GNAO1: variants seen among roughly 807,000 people sequenced by gnomAD.
The protein encoded by GNAO1 is G protein subunit alpha o1.
For missense variants in GNAO1, 166 were observed against 478.7 expected (o/e 0.35, Z 6.10); for synonymous variants, 164 against 180.7 (o/e 0.91, Z 0.74).
In GNAO1 at chr16:56,321,112, G is replaced by A. The variant is rs115347871; in HGVS notation, c.304-7519G>A. ...GGCTCAGAAGCCAGGAAAGCCAGTG[G>A]CGCTGCAGGAATGGGAGGGGGTCTT... On this transcript the variant is annotated intron_variant, in intron 3 of 8. Coordinates refer to ENST00000262493, the MANE Select transcript of GNAO1 (RefSeq NM_020988.3). Among the ~76,000 whole-genome samples the A allele has an allele frequency of 8.0e-3, 1,215 of 152,308 alleles. 19 individuals are homozygous for A. Among genetic ancestry groups the A allele is most frequent in the African/African-American group, 0.028 (1,182 of 41,570 alleles).
At chr16:56,218,690 A>G in intron 2 of GNAO1, among the ~76,000 whole-genome samples, 1 of 151,718 alleles carries the variant, frequency 6.6e-6, no homozygotes, top group South Asian at 2.1e-4. Context: ...CTGGAACCAC[A>G]CTGGTCTTCC....
intron 2 of GNAO1, among the ~76,000 whole-genome samples, chr16:56,227,792 GTAT>G (rs2036546277): frequency 6.6e-6 from 1 of 151,204 alleles, no homozygotes; most frequent in African/African-American, 2.4e-5. Context: ...ATTTTCCCTG[GTAT>G]TATTGTTGTT....
intron 2 of GNAO1, 80 bp downstream of exon 2, chr16:56,192,696 A>G: frequency 1.2e-6 from 1 of 841,682 alleles, no homozygotes; most frequent in South Asian, 1.4e-5. Flanking sequence ...CTTACTCCAC[A>G]TTGCTCTCCA....
chr16:56,331,418 C>T (rs1303414061), intron 4 of GNAO1, among the ~76,000 whole-genome samples: 1 of 152,188 alleles, frequency 6.6e-6, no homozygotes, highest in Non-Finnish European at 1.5e-5. Flanking sequence ...CCTCTCCTCA[C>T]CTTCTCTCTT....
At chr16:56,266,197 C>T (rs2036951805) in intron 2 of GNAO1, among the ~76,000 whole-genome samples, 1 of 152,206 alleles carries the variant, frequency 6.6e-6, no homozygotes, top group South Asian at 2.1e-4. Context: ...TCCTGTTCGC[C>T]AGTCTCCTGG....
intron 5 of GNAO1, 83 bp from the exon 6 acceptor site, chr16:56,336,648 C>A: frequency 7.7e-7 from 1 of 1,302,328 alleles, no homozygotes; most frequent in East Asian, 2.5e-5. Context: ...CCATCCTCTG[C>A]CTCTCAGCGT....
chr16:56,319,867 C>T (rs945331742), intron 3 of GNAO1, among the ~76,000 whole-genome samples: 1 of 152,114 alleles, frequency 6.6e-6, no homozygotes, highest in African/African-American at 2.4e-5. Context: ...TTGCCCACCC[C>T]TTTCTCCAGC....
At chr16:56,315,491 T>C (rs539529818) in intron 3 of GNAO1, among the ~76,000 whole-genome samples, 1 of 152,254 alleles carries the variant, frequency 6.6e-6, no homozygotes, top group Admixed American at 6.5e-5. Flanking sequence ...TGGGACAGGA[T>C]AGTGCCTGCT....
intron 2 of GNAO1, among the ~76,000 whole-genome samples, chr16:56,274,975 C>T (rs2037049304): frequency 6.6e-6 from 1 of 152,162 alleles, no homozygotes; most frequent in African/African-American, 2.4e-5. Context: ...GCCATTTTCT[C>T]CTGCATGAAA....
chr16:56,273,645 G>A (rs958811570), intron 2 of GNAO1, among the ~76,000 whole-genome samples: 25 of 152,234 alleles, frequency 1.6e-4, no homozygotes, highest in African/African-American at 5.8e-4. Context: ...AAGACTGTTG[G>A]ACTTTATTCT....
chr16:56,261,697 A>G (rs1304287721), intron 2 of GNAO1, among the ~76,000 whole-genome samples: 6 of 152,140 alleles, frequency 3.9e-5, no homozygotes, highest in African/African-American at 1.4e-4. Flanking sequence ...AATGACCTCC[A>G]GTATGGCTTG....
intron 3 of GNAO1, among the ~76,000 whole-genome samples, chr16:56,319,184 T>C (rs1333248823): frequency 6.6e-6 from 1 of 152,166 alleles, no homozygotes; most frequent in Non-Finnish European, 1.5e-5. Context: ...AAAAGTGCAG[T>C]TTACCATCCC....
Position 56,284,961 on chromosome 16 carries a change from A to C in GNAO1, c.303+8889A>C, listed in dbSNP as rs571600451. Among the ~76,000 whole-genome samples, 5 of 152,266 alleles carry C rather than the reference A, an allele frequency of 3.3e-5. No individual in the cohort carries two copies. In the South Asian group the frequency reaches 8.3e-4, roughly 25 times the overall value. ...TTCCCACAGCGGTGGCTCAGCCTGG[A>C]GCAGGCACTCAGCCTCCAGGGCTCC... On this transcript the variant is annotated intron_variant, in intron 3 of 8. Transcript: ENST00000262493.
At chr16:56,198,360 A>G (rs944844325) in intron 2 of GNAO1, among the ~76,000 whole-genome samples, 1 of 152,218 alleles carries the variant, frequency 6.6e-6, no homozygotes, top group Non-Finnish European at 1.5e-5. Flanking sequence ...AAGCTGTCCA[A>G]CAGATCTGTG....
At chr16:56,289,880 C>G (rs1046683065) in intron 3 of GNAO1, among the ~76,000 whole-genome samples, 1 of 152,210 alleles carries the variant, frequency 6.6e-6, no homozygotes, top group Non-Finnish European at 1.5e-5. Context: ...CAAACAATTG[C>G]ACCAGCCTCT....
chr16:56,294,584 A>C (rs547572305), intron 3 of GNAO1, among the ~76,000 whole-genome samples: 1 of 152,310 alleles, frequency 6.6e-6, no homozygotes, highest in South Asian at 2.1e-4. Context: ...ACATTGATGT[A>C]CAAGTTTTTG....
intron 2 of GNAO1, among the ~76,000 whole-genome samples, chr16:56,212,071 C>T (rs1351368160): frequency 3.9e-5 from 6 of 152,072 alleles, no homozygotes; most frequent in Non-Finnish European, 8.8e-5. Context: ...GGAGGAGAGT[C>T]TTCAACGACT....
intron 3 of GNAO1, among the ~76,000 whole-genome samples, chr16:56,327,786 C>A (rs2037650731): frequency 6.6e-6 from 1 of 152,152 alleles, no homozygotes; most frequent in South Asian, 2.1e-4. Context: ...TTCATCTACA[C>A]CCACTCAGAC....
In GNAO1 at chr16:56,328,761, G is replaced by A; in HGVS notation, c.434G>A (p.Arg145Gln). Residue 145 changes from arginine to glutamine, a missense_variant, in exon 4 of 9, where the codon CGG (arginine) becomes CAG (glutamine). Transcript: ENST00000262493. ...SGIQECFNRSREYQLNDSAKY... is the reference protein window; with the variant it reads ...SGIQECFNRSQEYQLNDSAKY... ...ATCCAAGAGTGCTTCAACCGGTCCC[G>A]GGAGTATCAGCTCAACGACTCTGCC... 2 of 1,614,246 alleles carry A rather than the reference G, an allele frequency of 1.2e-6. No individual in the cohort carries two copies. Among genetic ancestry groups the A allele is most frequent in the Admixed American group, 1.7e-5 (1 of 60,032 alleles).
Sources: allele counts gnomAD v4.1 joint callset (sites outside exome capture counted in the v4.1 genomes callset), GRCh38; gene constraint gnomAD v4.1.1; transcripts MANE v1.5; gene names NCBI Gene and HGNC (gene_info 2026-07-23, HGNC 2026-07-21).